The following GRIP2 variants were observed in gnomAD, a reference collection of about 807,000 sequenced individuals.
GRIP2 encodes the protein glutamate receptor interacting protein 2.
A neutral mutation model predicts 108.3 loss-of-function variants in GRIP2; 58 were observed. The ratio of observed to expected loss-of-function variants is 0.54; its 90% CI spans 0.43 to 0.67. The LOEUF (loss-of-function observed/expected upper bound fraction) is 0.67, where lower values mean the gene tolerates loss of function less well. Among genes scored for constraint, GRIP2 ranks in the 30% least tolerant of loss-of-function variants. GRIP2 has a pLI of 0.00. For synonymous variants in GRIP2, 586 were observed against 598.2 expected (o/e 0.98, Z 0.30); for missense variants, 1,278 against 1,430.6 (o/e 0.89, Z 1.72).
At chr3:14,599,143 A>G in the GRIP2 span, among the ~76,000 whole-genome samples, 2 of 151,962 alleles carry the variant, frequency 1.3e-5, no homozygotes, top group East Asian at 1.9e-4. Flanking sequence ...TTTCTTGTTC[A>G]CAGTTTTATC....
chr3:14,541,949 G>T, upstream of GRIP2: 1 of 1,348,958 alleles, frequency 7.4e-7, no homozygotes, highest in African/African-American at 1.5e-5. Context: ...CCAGGGCACA[G>T]AGGCCACTCT....
At chr3:14,570,930 C>T in the GRIP2 span, among the ~76,000 whole-genome samples, 5 of 152,196 alleles carry the variant, frequency 3.3e-5, no homozygotes, top group African/African-American at 1.2e-4. Context: ...GGTTTCTCAA[C>T]CTCAGGCAGT....
chr3:14,583,406 AC>A, the GRIP2 span, among the ~76,000 whole-genome samples: 9 of 152,184 alleles, frequency 5.9e-5, 1 homozygote, highest in Middle Eastern at 6.8e-3. Flanking sequence ...CAGAACAGGA[AC>A]CCTTTTGACA....
the GRIP2 span, among the ~76,000 whole-genome samples, chr3:14,597,782 C>G: frequency 1.3e-5 from 2 of 152,024 alleles, no homozygotes; most frequent in Non-Finnish European, 2.9e-5. Flanking sequence ...CCATTTGTGG[C>G]TGGGGTGGGG....
chr3:14,503,651 C>T lies in GRIP2; in HGVS notation c.2594G>A (p.Arg865Gln), dbSNP rs1435971245. The change falls in exon 21 of 24, where the codon CGA (arginine) becomes CAA (glutamine). Residue 865 changes from arginine (R) to glutamine (Q), a missense_variant. By Grantham distance (43) the Arg-to-Gln change is conservative. Transcript: ENST00000621039. ...AAACATGCGCCAGAAGCCCTCCTCT[C>T]GGGCAGGGCCAGGGGCTGGGCTGTA... ...PPTSPAPGPA[R>Q]EEGFWRMFGE... The T allele has an allele frequency of 6.2e-5, 85 of 1,360,802 alleles. No homozygotes were observed. Among genetic ancestry groups the T allele is most frequent in the Non-Finnish European group, 7.8e-5 (80 of 1,025,884 alleles). 84.3% of individuals were successfully genotyped at this position (1,360,802 alleles called of 1,614,324 possible). A position where few individuals can be genotyped will look rare whatever the true frequency, so the allele number is the denominator to read the frequency against.
the GRIP2 span, among the ~76,000 whole-genome samples, chr3:14,571,461 A>C: frequency 1.3e-5 from 2 of 151,580 alleles, no homozygotes; most frequent in South Asian, 4.2e-4. Flanking sequence ...AATGCTTCCC[A>C]CCCCCGCGCA....
In GRIP2 at chr3:14,505,901, G is replaced by A; in HGVS notation, c.2399-112C>T. ...TGGGGAGGTCGTTGCTCCTCTCTGG[G>A]CCTGCATCTACACAGCCCTCTGAGG... On this transcript the variant is annotated intron_variant, in intron 19 of 23. Transcript: ENST00000621039. This position sits in a 1 kb window ranked among gnomAD's most constrained non-coding sequence, Gnocchi z 4.2. The A allele has an allele frequency of 1.0e-6, 1 of 971,732 alleles. No homozygotes were observed. Among genetic ancestry groups the A allele is most frequent in the Non-Finnish European group, 1.5e-6 (1 of 686,792 alleles). 60.2% of individuals were successfully genotyped at this position (971,732 alleles called of 1,614,324 possible).
rs567153960 is a variant in GRIP2, at chr3:14,499,491, G to A, written c.2680-2931C>T. 5.3e-5 allele frequency among the ~76,000 whole-genome samples: 8 copies of A among 152,176 alleles called. No individual in the cohort carries two copies. In the South Asian group the frequency reaches 1.0e-3, roughly 20 times the overall value. ...AGAACTTTGGGAGGCCAAGGCGGGC[G>A]GATCGCCAGAGATCAGGAGTTCAAG... On this transcript the variant is annotated intron_variant, in intron 21 of 23. Coordinates refer to ENST00000621039, the MANE Select transcript of GRIP2 (RefSeq NM_001080423.4).
At position 14,505,047 on chromosome 3, in the gene GRIP2, A is replaced by G. The variant is rs1356231663; in HGVS notation, c.2573+568T>C. Among the ~76,000 whole-genome samples the G allele has an allele frequency of 1.3e-5, 2 of 152,092 alleles. No homozygotes were observed. The highest frequency in any genetic ancestry group is 2.4e-5 in the African/African-American group (1 of 41,428). On this transcript the variant is annotated intron_variant, in intron 20 of 23. Transcript: ENST00000621039. The surrounding 1 kb of genome is among the most constrained non-coding windows in gnomAD (Gnocchi z 4.2). ...AGGGAAGCTTCCCAGAGGCAGGAGA[A>G]TTTGAGCTGAGTTTTGAGGGATGAG...
chr3:14,601,558 C>T, the GRIP2 span, among the ~76,000 whole-genome samples: 2 of 152,230 alleles, frequency 1.3e-5, no homozygotes, highest in African/African-American at 2.4e-5. Context: ...TCTGCTCCCT[C>T]GCTGGGCACA....
In GRIP2 at chr3:14,549,899, T is replaced by G. The variant is rs564222165; in HGVS notation, c.55+6001A>C. 2.5e-3 allele frequency among the ~76,000 whole-genome samples: 376 copies of G among 152,324 alleles called. 1 individual carries two copies. Among genetic ancestry groups the G allele is most frequent in the Non-Finnish European group, 4.5e-3 (303 of 68,032 alleles). ...GTGGTGATCACCAGATTCTGTGTCCTCATGGTAGACTTGAATATTGAAAGA... is the reference window on the plus strand; with the variant it reads ...GTGGTGATCACCAGATTCTGTGTCCGCATGGTAGACTTGAATATTGAAAGA... On this transcript the variant is annotated intron_variant, in intron 1 of 23. Coordinates refer to the GRIP2 transcript ENST00000637182.
At chr3:14,526,196 T>A (rs1694550226) in intron 1 of GRIP2, among the ~76,000 whole-genome samples, 1 of 152,212 alleles carries the variant, frequency 6.6e-6, no homozygotes, top group Admixed American at 6.5e-5. Flanking sequence ...TGGTTCACTG[T>A]CTCAACAACC....
the GRIP2 span, among the ~76,000 whole-genome samples, chr3:14,561,665 C>T: frequency 6.6e-6 from 1 of 152,260 alleles, no homozygotes; most frequent in Non-Finnish European, 1.5e-5. Context: ...TTGCTGCCAT[C>T]CCCGCCTGCT....
At chr3:14,506,148 G>C (rs1693919912) in intron 19 of GRIP2, among the ~76,000 whole-genome samples, 1 of 152,210 alleles carries the variant, frequency 6.6e-6, no homozygotes. Flanking sequence ...CTGGAGATGG[G>C]GAAGCTGAGG....
chr3:14,568,995 A>G, the GRIP2 span, among the ~76,000 whole-genome samples: 8 of 152,108 alleles, frequency 5.3e-5, no homozygotes, highest in African/African-American at 1.9e-4. Flanking sequence ...TGCAGGGAAA[A>G]TGCTGGGGAA....
chr3:14,549,928 C>T (rs1042809181), intron 1 of GRIP2, among the ~76,000 whole-genome samples: 5 of 152,180 alleles, frequency 3.3e-5, no homozygotes, highest in African/African-American at 1.2e-4. Context: ...TGAAAGAGAA[C>T]CCTGGAGCTG....
rs1472831343 is a variant in GRIP2 at position 14,493,155 on chromosome 3, C to G, written c.*510G>C. Reference sequence around the variant, plus strand: ...TGGCTCCCCATCAGGAAGCCAACCCCCAAGCGCGTGTGCACGCATCATGGG... The same window carrying G: ...TGGCTCCCCATCAGGAAGCCAACCCGCAAGCGCGTGTGCACGCATCATGGG... On this transcript the variant is annotated 3_prime_UTR_variant, in exon 24 of 24. Coordinates refer to ENST00000621039, the MANE Select transcript of GRIP2 (RefSeq NM_001080423.4). The G allele has an allele frequency of 6.5e-6, 1 of 152,966 alleles. No individual in the cohort carries two copies. 9.5% of individuals were successfully genotyped at this position (152,966 alleles called of 1,614,324 possible).
upstream of GRIP2, among the ~76,000 whole-genome samples, chr3:14,544,718 C>T (rs1156645343): frequency 6.6e-6 from 1 of 152,246 alleles, no homozygotes; most frequent in Non-Finnish European, 1.5e-5. Flanking sequence ...AGGACAATTG[C>T]TCCCTCCCTG....
chr3:14,490,403 T>G lies in GRIP2; in HGVS notation c.*3262A>C, dbSNP rs1307422636. The G allele has an allele frequency of 6.5e-6, 1 of 152,690 alleles. No homozygotes were observed. The highest frequency in any genetic ancestry group is 1.5e-5 in the Non-Finnish European group (1 of 68,396). The allele number at this position is 152,690 out of a possible 1,614,324, so 9.5% of individuals were successfully genotyped here. A position where few individuals can be genotyped will look rare whatever the true frequency, so the allele number is the denominator to read the frequency against. On this transcript the variant is annotated 3_prime_UTR_variant, in exon 24 of 24. Coordinates refer to ENST00000621039, the MANE Select transcript of GRIP2 (RefSeq NM_001080423.4). ...GCTTCCTGGAAAGAAGCTCTTCCTC[T>G]GCTCACAGAACTGTGGCCTCCCCAG...
Sources: gnomAD v4.1 joint callset for allele counts (sites outside exome capture counted in the v4.1 genomes callset) on GRCh38, gnomAD v4.1.1 for gene constraint, Gnocchi (gnomAD v3.1) non-coding constraint, MANE v1.5 for transcripts, NCBI Gene and HGNC (gene_info 2026-07-23, HGNC 2026-07-21) for gene names.